UBE3C: variants seen among roughly 807,000 people sequenced by gnomAD.
UBE3C encodes the protein ubiquitin-protein ligase E3C.
In UBE3C, 42 loss-of-function variants were observed where a neutral mutation model predicts 129.4. That is an observed-to-expected ratio of 0.32 (90% CI 0.25 to 0.42). The LOEUF is 0.42. Ranked by LOEUF, UBE3C falls within the 10% of genes least tolerant of loss-of-function variation. The probability of loss-of-function intolerance (pLI) is 1.00; values close to 1 mark genes in which losing one functional copy is unlikely to be tolerated. For missense variants in UBE3C, 1,049 were observed against 1,319.1 expected, an observed-to-expected ratio of 0.80 and a Z score of 3.17; for synonymous variants, 510 against 492.4, an observed-to-expected ratio of 1.04 and a Z score of -0.47.
At chr7:157,220,363 A>T (rs1468060373) in intron 14 of UBE3C, among the ~76,000 whole-genome samples, 3 of 152,206 alleles carry the variant, frequency 2.0e-5, no homozygotes, top group Non-Finnish European at 4.4e-5. Context: ...GATAATAATA[A>T]CTTAATTTTT....
intron 14 of UBE3C, among the ~76,000 whole-genome samples, chr7:157,219,001 A>G (rs1795662091): frequency 6.6e-6 from 1 of 152,244 alleles, no homozygotes; most frequent in Non-Finnish European, 1.5e-5. Flanking sequence ...TACCTCAGGC[A>G]AAACAGATAG....
At chr7:157,163,993 G>T in intron 2 of UBE3C, 130 bp downstream of exon 2, 1 of 839,952 alleles carries the variant, frequency 1.2e-6, no homozygotes. Context: ...GTGTATGTGT[G>T]TTTAGCTTTA....
At chr7:157,152,718 G>A (rs751638668) in intron 1 of UBE3C, among the ~76,000 whole-genome samples, 9 of 152,064 alleles carry the variant, frequency 5.9e-5, no homozygotes, top group Admixed American at 2.6e-4. Context: ...GATGCTGTAC[G>A]GCCTCTCCCT....
At chr7:157,239,490 G>T (rs777917392) in intron 18 of UBE3C, among the ~76,000 whole-genome samples, 2 of 152,180 alleles carry the variant, frequency 1.3e-5, no homozygotes, top group African/African-American at 4.8e-5. Context: ...CATTTTCTGC[G>T]CTGTGGACTA....
At chr7:157,220,356 A>G (rs939141073) in intron 14 of UBE3C, among the ~76,000 whole-genome samples, 3 of 152,214 alleles carry the variant, frequency 2.0e-5, no homozygotes, top group Non-Finnish European at 4.4e-5. Context: ...AATTTTTGAT[A>G]ATAATAACTT....
intron 1 of UBE3C, among the ~76,000 whole-genome samples, chr7:157,160,239 T>A (rs1477188414): frequency 6.6e-6 from 1 of 152,070 alleles, no homozygotes; most frequent in Non-Finnish European, 1.5e-5. Flanking sequence ...CACGCCCAGC[T>A]GATTTTTGTA....
intron 1 of UBE3C, among the ~76,000 whole-genome samples, chr7:157,150,969 G>A (rs997449286): frequency 3.9e-5 from 6 of 152,200 alleles, no homozygotes; most frequent in African/African-American, 1.4e-4. Context: ...TCAGTTCTCG[G>A]CCGCTTGCGG....
Position 157,174,922 on chromosome 7 carries a change from T to C in UBE3C, c.346T>C (p.Trp116Arg). The C allele has an allele frequency of 1.2e-6, 2 of 1,601,934 alleles. No individual in the cohort carries two copies. The highest frequency in any genetic ancestry group is 1.7e-6 in the Non-Finnish European group (2 of 1,174,492). ...ATTTTATGTTTTGCTGTTTCAGATA[T>C]GGCTGTATCAGAACTTAATTAAACA... ...KQNEDSKRLI[W>R]LYQNLIKHSS... The change falls in exon 5 of 23, where the codon TGG becomes CGG. Residue 116 changes from tryptophan to arginine, a missense_variant. By Grantham distance (101) the Trp-to-Arg change is moderately radical. Around this residue, in one of 4 missense-constraint regions of UBE3C, gnomAD observed 489 missense variants for 513.8 expected, o/e 0.95. Coordinates refer to ENST00000348165, the MANE Select transcript of UBE3C (RefSeq NM_014671.3).
chr7:157,211,071 C>CA (rs1586691572), intron 13 of UBE3C, among the ~76,000 whole-genome samples: 1 of 151,768 alleles, frequency 6.6e-6, no homozygotes, highest in East Asian at 1.9e-4. Flanking sequence ...GTGCATCCAC[C>CA]AAACTTAACA....
rs1017105433 is a variant in UBE3C, at chr7:157,186,931, G to A, written c.1241G>A (p.Arg414Lys). 4.3e-6 allele frequency: 7 copies of A among 1,613,996 alleles called. No individual in the cohort carries two copies. In the African/African-American group the frequency reaches 6.7e-5, roughly 15 times the overall value. ...AACACCCTGCTCAACCTGGTGTGGA[G>A]GGACTCTGCGAGCGAGGAGGTCTTC... is the stretch of plus-strand genomic sequence containing the variant. ...QTNTLLNLVWRDSASEEVFTT... is the reference protein window; with the variant it reads ...QTNTLLNLVWKDSASEEVFTT... Residue 414 changes from arginine to lysine, a missense_variant, in exon 10 of 23, where the codon AGG (arginine) becomes AAG (lysine). By Grantham distance (26) the Arg-to-Lys change is conservative. This residue lies in a region of UBE3C where 489 missense variants were observed against 513.8 expected (regional missense o/e 0.95). Coordinates refer to ENST00000348165, the MANE Select transcript of UBE3C (RefSeq NM_014671.3).
In UBE3C at chr7:157,145,963, G is replaced by A. The variant is rs151092400; in HGVS notation, c.66+6625G>A. On this transcript the variant is annotated intron_variant, in intron 1 of 22. Coordinates refer to ENST00000348165, the MANE Select transcript of UBE3C (RefSeq NM_014671.3). ...GTTTTTTTCATGGATCTTGCTTCTC[G>A]CGTTGTGTCTAAAAAGTCATTACCA... 2.6e-5 allele frequency among the ~76,000 whole-genome samples: 4 copies of A among 152,040 alleles called. No homozygotes were observed. The East Asian group carries it at 5.8e-4, about 22-fold the overall frequency.
At chr7:157,267,355 G>C (rs1377720250) in intron 22 of UBE3C, among the ~76,000 whole-genome samples, 1 of 151,622 alleles carries the variant, frequency 6.6e-6, no homozygotes, top group Non-Finnish European at 1.5e-5. Context: ...CTGGGAGGCA[G>C]AGGTTGCAGT....
rs75231497 is a variant in UBE3C at position 157,266,731 on chromosome 7, G to A, written c.3082-854G>A. 9.3e-3 allele frequency among the ~76,000 whole-genome samples: 1,418 copies of A among 152,234 alleles called. 19 individuals carry two copies. Among genetic ancestry groups the A allele is most frequent in the African/African-American group, 0.033 (1,371 of 41,524 alleles). On this transcript the variant is annotated intron_variant, in intron 22 of 22. Coordinates refer to ENST00000348165, the MANE Select transcript of UBE3C (RefSeq NM_014671.3). ...GTACAGGAAAGATAGAATAAATCTTGATCCTTTTTAAAAAATTTTTATAGA... is the reference window on the plus strand; with the variant it reads ...GTACAGGAAAGATAGAATAAATCTTAATCCTTTTTAAAAAATTTTTATAGA...
At chr7:157,149,346 A>G (rs539190836) in intron 1 of UBE3C, among the ~76,000 whole-genome samples, 3 of 152,274 alleles carry the variant, frequency 2.0e-5, no homozygotes, top group African/African-American at 4.8e-5. Context: ...GTGAGCCACT[A>G]TGCCTGGCCA....
intron 10 of UBE3C, among the ~76,000 whole-genome samples, chr7:157,200,185 T>C (rs979243365): frequency 2.0e-5 from 3 of 152,262 alleles, no homozygotes; most frequent in Non-Finnish European, 4.4e-5. Flanking sequence ...AGATTCTTTC[T>C]AGCTTAAGGT....
At chr7:157,144,654 AT>A (rs973882885) in intron 1 of UBE3C, among the ~76,000 whole-genome samples, 5 of 151,702 alleles carry the variant, frequency 3.3e-5, no homozygotes, top group African/African-American at 1.2e-4. Context: ...TGGGAGTAGA[AT>A]TAAGATCACT....
intron 11 of UBE3C, among the ~76,000 whole-genome samples, chr7:157,203,832 G>T (rs1809356182): frequency 1.3e-5 from 2 of 152,156 alleles, no homozygotes; most frequent in South Asian, 4.1e-4. Flanking sequence ...ATGGGGCTTT[G>T]TCCTGATAAA....
chr7:157,171,687 T>TATAGATATA (rs1491094674), intron 4 of UBE3C, among the ~76,000 whole-genome samples: 3 of 6,178 alleles, frequency 4.9e-4, no homozygotes, highest in African/African-American at 2.5e-3. Flanking sequence ...TATATATATA[T>TATAGATATA]TTTTTTTTTT....
At chr7:157,153,505 AG>A (rs1413386476) in intron 1 of UBE3C, among the ~76,000 whole-genome samples, 1 of 152,144 alleles carries the variant, frequency 6.6e-6, no homozygotes, top group East Asian at 1.9e-4. Context: ...GGCGTTGCCC[AG>A]GCTGGTCTTG....
Sources: gnomAD v4.1 joint callset for allele counts (sites outside exome capture counted in the v4.1 genomes callset) on GRCh38, gnomAD v4.1.1 for gene constraint, gnomAD v4.1.1 regional missense constraint, MANE v1.5 for transcripts, NCBI Gene and HGNC (gene_info 2026-07-23, HGNC 2026-07-21) for gene names.